The following SUGCT variants were observed in gnomAD, a reference collection of about 807,000 sequenced individuals.
SUGCT encodes the protein succinyl-CoA:glutarate-CoA transferase.
In SUGCT, 41 loss-of-function variants were observed where a neutral mutation model predicts 55.0. The ratio of observed to expected loss-of-function variants is 0.74; its 90% CI spans 0.58 to 0.97. SUGCT has a LOEUF of 0.97. SUGCT is among the 50% of genes least tolerant of loss of function. The pLI, the probability that SUGCT is intolerant of heterozygous loss-of-function variation, is 0.00. For missense variants in SUGCT, 568 were observed against 547.8 expected (o/e 1.04, Z -0.37); for synonymous variants, 187 against 200.4 (o/e 0.93, Z 0.56).
At chr7:40,553,481 T>A (rs1795406212) in intron 12 of SUGCT, among the ~76,000 whole-genome samples, 1 of 152,226 alleles carries the variant, frequency 6.6e-6, no homozygotes, top group South Asian at 2.1e-4. Context: ...ATAATTTTTT[T>A]ATTTTTTATA....
At chr7:40,249,325 AT>A (rs1790166505) in intron 7 of SUGCT, among the ~76,000 whole-genome samples, 2 of 117,426 alleles carry the variant, frequency 1.7e-5, no homozygotes, top group African/African-American at 7.0e-5. Flanking sequence ...ATATATATAT[AT>A]ATATATATAT....
At chr7:40,767,353 T>G in intron 13 of SUGCT, among the ~76,000 whole-genome samples, 1 of 152,156 alleles carries the variant, frequency 6.6e-6, no homozygotes, top group East Asian at 1.9e-4. Context: ...AAAAGAAAAC[T>G]ATATGGTATT....
At chr7:40,213,048 T>G (rs1787431841) in intron 6 of SUGCT, among the ~76,000 whole-genome samples, 1 of 152,242 alleles carries the variant, frequency 6.6e-6, no homozygotes, top group South Asian at 2.1e-4. Flanking sequence ...TTTTGAAGGT[T>G]TTCTTTCTAT....
At chr7:40,852,069 A>G (rs904586035) in intron 13 of SUGCT, among the ~76,000 whole-genome samples, 2 of 152,228 alleles carry the variant, frequency 1.3e-5, no homozygotes, top group African/African-American at 4.8e-5. Flanking sequence ...TTGCATAGCT[A>G]AAGACCCACT....
chr7:40,917,645 G>A, the SUGCT span, among the ~76,000 whole-genome samples: 2 of 152,102 alleles, frequency 1.3e-5, no homozygotes, highest in Non-Finnish European at 2.9e-5. Context: ...AAACAAACTT[G>A]GTGGCTTATA....
chr7:40,606,755 TA>T (rs543139812), intron 12 of SUGCT, among the ~76,000 whole-genome samples: 1 of 152,300 alleles, frequency 6.6e-6, no homozygotes, highest in South Asian at 2.1e-4. Context: ...CGTAAGCTTT[TA>T]AAAAGCCATA....
At chr7:40,317,431 C>T (rs913339490) in intron 9 of SUGCT, among the ~76,000 whole-genome samples, 6 of 152,140 alleles carry the variant, frequency 3.9e-5, no homozygotes, top group Non-Finnish European at 4.4e-5. Context: ...AAATTTAAAA[C>T]AAAACCTAGC....
At chr7:40,902,652 C>A in the SUGCT span, among the ~76,000 whole-genome samples, 2 of 151,688 alleles carry the variant, frequency 1.3e-5, no homozygotes, top group African/African-American at 2.4e-5. Flanking sequence ...ATAAAGCCAT[C>A]TCCTTGTATT....
chr7:40,213,155 G>A (rs1275037579), intron 6 of SUGCT, among the ~76,000 whole-genome samples: 1 of 151,986 alleles, frequency 6.6e-6, no homozygotes, highest in Admixed American at 6.6e-5. Flanking sequence ...TGAGAAAGAC[G>A]CGTTAAAATC....
At chr7:40,310,022 C>T (rs554506403) in intron 8 of SUGCT, among the ~76,000 whole-genome samples, 21 of 152,116 alleles carry the variant, frequency 1.4e-4, no homozygotes, top group Non-Finnish European at 2.1e-4. Context: ...GAAGCAGGAC[C>T]ATAACTTTCT....
chr7:40,644,147 C>G (rs1267907917), intron 12 of SUGCT, among the ~76,000 whole-genome samples: 3 of 152,164 alleles, frequency 2.0e-5, no homozygotes, highest in African/African-American at 7.2e-5. Context: ...AGTTCTGAAA[C>G]TATAGGAGGG....
chr7:40,528,159 T>A (rs1255517733), intron 12 of SUGCT, among the ~76,000 whole-genome samples: 1 of 152,186 alleles, frequency 6.6e-6, no homozygotes, highest in Non-Finnish European at 1.5e-5. Flanking sequence ...GAAGATTGAA[T>A]GAAATCATAC....
At chr7:40,553,255 T>C (rs1795393152) in intron 12 of SUGCT, among the ~76,000 whole-genome samples, 1 of 152,150 alleles carries the variant, frequency 6.6e-6, no homozygotes, top group Non-Finnish European at 1.5e-5. Flanking sequence ...GAGGTATGGG[T>C]GCAAATTAGG....
At chr7:40,321,152 T>C (rs57005918) in intron 9 of SUGCT, among the ~76,000 whole-genome samples, 6,482 of 146,986 alleles carry the variant, frequency 0.044, 486 homozygotes, top group African/African-American at 0.15. Flanking sequence ...CTCGGCTCAC[T>C]GCAACCTCTG....
chr7:40,136,058 G>A (rs558765635), intron 1 of SUGCT, among the ~76,000 whole-genome samples: 1 of 151,336 alleles, frequency 6.6e-6, no homozygotes, highest in Admixed American at 6.6e-5. Flanking sequence ...GTGCAGTGGC[G>A]CGATCTTGGT....
At chr7:40,142,038 A>G (rs1026574335) in intron 1 of SUGCT, among the ~76,000 whole-genome samples, 1 of 152,188 alleles carries the variant, frequency 6.6e-6, no homozygotes, top group African/African-American at 2.4e-5. Flanking sequence ...TTGGCAGGAA[A>G]AATGGTTATG....
chr7:41,010,813 C>T, the SUGCT span, among the ~76,000 whole-genome samples: 12 of 152,006 alleles, frequency 7.9e-5, no homozygotes, highest in African/African-American at 1.4e-4. Flanking sequence ...AAAAATAAAA[C>T]GATGTGTCAT....
At chr7:40,675,920 A>G (rs1438138239) in intron 12 of SUGCT, among the ~76,000 whole-genome samples, 1 of 152,230 alleles carries the variant, frequency 6.6e-6, no homozygotes, top group African/African-American at 2.4e-5. Flanking sequence ...TATAGACAAG[A>G]AAGATGTCTG....
intron 13 of SUGCT, among the ~76,000 whole-genome samples, chr7:40,810,032 A>G (rs1791322182): frequency 6.6e-6 from 1 of 152,054 alleles, no homozygotes; most frequent in African/African-American, 2.4e-5. Context: ...TCCATCTTTC[A>G]TAGGCACCTA....
Sources: allele counts gnomAD v4.1 joint callset (sites outside exome capture counted in the v4.1 genomes callset), GRCh38; gene constraint gnomAD v4.1.1; transcripts MANE v1.5; gene names NCBI Gene and HGNC (gene_info 2026-07-23, HGNC 2026-07-21).